Variants in TCF12 observed in about 807,000 individuals in gnomAD.
TCF12 encodes DNA-binding protein HTF4.
In TCF12, 45 loss-of-function variants were observed where a neutral mutation model predicts 86.0. The observed-to-expected ratio is 0.52, with a 90% CI of 0.41 to 0.67. The LOEUF is 0.67. Ranked by LOEUF, TCF12 falls within the 30% of genes least tolerant of loss-of-function variation. The pLI, the probability that TCF12 is intolerant of heterozygous loss-of-function variation, is 0.00. For synonymous variants in TCF12, 330 were observed against 299.6 expected (o/e 1.10, Z -1.05); for missense variants, 881 against 859.9 (o/e 1.02, Z -0.31).
At chr15:56,922,051 C>G (rs1208698371) in intron 3 of TCF12, among the ~76,000 whole-genome samples, 1 of 151,900 alleles carries the variant, frequency 6.6e-6, no homozygotes, top group Admixed American at 6.5e-5. Flanking sequence ...AAAAGGACAT[C>G]ATGAAACGAT....
chr15:57,023,273 T>G (rs1311882241), intron 3 of TCF12, among the ~76,000 whole-genome samples: 2 of 152,230 alleles, frequency 1.3e-5, no homozygotes, highest in Non-Finnish European at 2.9e-5. Context: ...GCACTTGATA[T>G]GTGCCAAATA....
At chr15:57,048,471 C>A (rs886378196) in intron 3 of TCF12, among the ~76,000 whole-genome samples, 3 of 152,086 alleles carry the variant, frequency 2.0e-5, no homozygotes, top group African/African-American at 2.4e-5. Context: ...CCATGTTTCC[C>A]AGGATGGTCT....
chr15:57,145,005 T>C (rs1160741993), intron 5 of TCF12, among the ~76,000 whole-genome samples: 3 of 152,210 alleles, frequency 2.0e-5, no homozygotes, highest in Non-Finnish European at 4.4e-5. Context: ...ACTATGAGCA[T>C]TTAAAAATAC....
At chr15:56,998,334 G>A (rs1198171771) in intron 3 of TCF12, among the ~76,000 whole-genome samples, 8 of 151,620 alleles carry the variant, frequency 5.3e-5, no homozygotes, top group African/African-American at 1.7e-4. Flanking sequence ...GCACGTGGTT[G>A]TAGTCCCAGC....
intron 5 of TCF12, among the ~76,000 whole-genome samples, chr15:57,100,546 A>G (rs1284098741): frequency 3.3e-5 from 5 of 151,684 alleles, no homozygotes; most frequent in African/African-American, 1.2e-4. Flanking sequence ...TATAGACATG[A>G]GCCACTTTAT....
chr15:56,959,814 T>G (rs1310729919), intron 3 of TCF12, among the ~76,000 whole-genome samples: 1 of 152,190 alleles, frequency 6.6e-6, no homozygotes, highest in African/African-American at 2.4e-5. Flanking sequence ...AAATTGGTCA[T>G]GTATTGGTAA....
intron 4 of TCF12, among the ~76,000 whole-genome samples, chr15:57,086,771 CAG>C (rs1379498685): frequency 1.5e-5 from 2 of 132,114 alleles, no homozygotes; most frequent in African/African-American, 5.7e-5. Context: ...ATTTTAAAAA[CAG>C]TGGTTTCTTT....
intron 18 of TCF12, among the ~76,000 whole-genome samples, chr15:57,268,468 AG>A (rs1437287984): frequency 6.6e-6 from 1 of 152,124 alleles, no homozygotes; most frequent in African/African-American, 2.4e-5. Flanking sequence ...AATAACCTCA[AG>A]CTGCTGGACT....
rs151187994 is a variant in TCF12, at chr15:56,995,875, G to C, written c.149-67875G>C. The stretch of plus-strand genomic sequence containing the variant: ...GCATCCTTGTTCCAGTTCTCAAGGG[G>C]AATGCTTCCAGCTTTTGCCCATTCA... On this transcript the variant is annotated intron_variant, in intron 3 of 20. Coordinates refer to ENST00000333725, the MANE Select transcript of TCF12 (RefSeq NM_207037.2). Among the ~76,000 whole-genome samples the C allele has an allele frequency of 4.0e-3, 613 of 152,246 alleles. 5 individuals are homozygous for C. The highest frequency in any genetic ancestry group is 0.014 in the African/African-American group (594 of 41,554).
chr15:57,176,249 T>A (rs1425450387), intron 6 of TCF12, among the ~76,000 whole-genome samples: 1 of 152,186 alleles, frequency 6.6e-6, no homozygotes, highest in African/African-American at 2.4e-5. Context: ...CCGTGAGCTC[T>A]CTAGTGACAA....
intron 19 of TCF12, chr15:57,278,459 T>G (rs901203674): frequency 2.6e-5 from 4 of 152,142 alleles, no homozygotes; most frequent in Admixed American, 2.6e-4. Context: ...GAATTTGCAT[T>G]ACTAACAAAT....
chr15:57,009,260 C>G (rs1357223664), intron 3 of TCF12, among the ~76,000 whole-genome samples: 2 of 152,082 alleles, frequency 1.3e-5, no homozygotes, highest in African/African-American at 4.8e-5. Context: ...TACAGGCGCA[C>G]TTCATCAAGC....
intron 16 of TCF12, among the ~76,000 whole-genome samples, chr15:57,257,739 G>A (rs962295875): frequency 4.0e-5 from 6 of 151,000 alleles, no homozygotes; most frequent in Non-Finnish European, 8.8e-5. Context: ...CCTGCAGTAC[G>A]GACAAGTCAG....
chr15:57,023,033 T>G (rs916935635), intron 3 of TCF12, among the ~76,000 whole-genome samples: 1 of 152,184 alleles, frequency 6.6e-6, no homozygotes, highest in Non-Finnish European at 1.5e-5. Flanking sequence ...TCTTCCTGTT[T>G]CTGTTGTATA....
intron 5 of TCF12, among the ~76,000 whole-genome samples, chr15:57,110,294 T>C (rs747828947): frequency 8.7e-5 from 10 of 115,466 alleles, no homozygotes; most frequent in Non-Finnish European, 1.4e-4. Context: ...TTAGGAGTTC[T>C]ATTTTAAATA....
rs199763552 is a variant in TCF12 at position 57,125,299 on chromosome 15, A to T, written c.325+33408A>T. Among the ~76,000 whole-genome samples, 5 of 152,360 alleles carry T rather than the reference A, an allele frequency of 3.3e-5. No individual in the cohort carries two copies. The East Asian group carries it at 9.6e-4, about 29-fold the overall frequency. ...GGTAAGGTCTGAAAATAAAATGTTG[A>T]CTAAAGACTTTATAATATTTCTATA... On this transcript the variant is annotated intron_variant, in intron 5 of 20. Transcript: ENST00000333725.
At chr15:57,000,016 A>G (rs2063929714) in intron 3 of TCF12, among the ~76,000 whole-genome samples, 1 of 145,892 alleles carries the variant, frequency 6.9e-6, no homozygotes, top group Non-Finnish European at 1.5e-5. Context: ...TTCATTTCTT[A>G]ATCAAATGCT....
intron 8 of TCF12, among the ~76,000 whole-genome samples, chr15:57,206,897 C>T (rs1566915338): frequency 6.8e-6 from 1 of 147,928 alleles, no homozygotes; most frequent in African/African-American, 2.5e-5. Context: ...TCAAGACCAG[C>T]CTAGGCAACA....
chr15:57,182,820 TA>T (rs2056438484), intron 6 of TCF12, among the ~76,000 whole-genome samples: 1 of 152,128 alleles, frequency 6.6e-6, no homozygotes, highest in Admixed American at 6.5e-5. Flanking sequence ...ATTGCATAGA[TA>T]AAAAATCTGC....
Sources: gnomAD v4.1 joint callset for allele counts (sites outside exome capture counted in the v4.1 genomes callset) on GRCh38, gnomAD v4.1.1 for gene constraint, MANE v1.5 for transcripts, NCBI Gene and HGNC (gene_info 2026-07-23, HGNC 2026-07-21) for gene names.